FAT3: variants seen among roughly 807,000 people sequenced by gnomAD.
FAT3 encodes FAT atypical cadherin 3, also known as protocadherin Fat 3.
In FAT3, 95 loss-of-function variants were observed where a neutral mutation model predicts 310.2. The observed-to-expected ratio is 0.31, with a 90% CI of 0.26 to 0.36. FAT3 has a LOEUF of 0.36. FAT3 is among the 10% of genes least tolerant of loss of function. The pLI is 1.00. For missense variants in FAT3, 5,408 were observed against 5,715.6 expected, an observed-to-expected ratio of 0.95 and a Z score of 1.74; for synonymous variants, 2,314 against 2,192.9, an observed-to-expected ratio of 1.06 and a Z score of -1.54.
At position 92,892,914 on chromosome 11, in the gene FAT3, G is replaced by A. The variant is rs1242400034; in HGVS notation, c.*1801G>A. On this transcript the variant is annotated 3_prime_UTR_variant, in exon 28 of 28. Transcript: ENST00000525166. ...AAAACTGAAAGTTGACAGGTTGAGG[G>A]ACTTTCCTTTTTTGCTTCAATCAGA... 1.3e-5 allele frequency: 2 copies of A among 152,078 alleles called. No individual in the cohort carries two copies. Among genetic ancestry groups the A allele is most frequent in the African/African-American group, 4.8e-5 (2 of 41,390 alleles). The allele number at this position is 152,078 out of a possible 1,614,324, so 9.4% of individuals were successfully genotyped here.
intron 3 of FAT3, among the ~76,000 whole-genome samples, chr11:92,587,423 C>T (rs376234645): frequency 2.0e-5 from 3 of 151,866 alleles, no homozygotes; most frequent in South Asian, 4.1e-4. Context: ...CCCCTTAGAA[C>T]AAATTTCTAG....
intron 1 of FAT3, among the ~76,000 whole-genome samples, chr11:92,226,850 G>C (rs984244168): frequency 7.2e-5 from 11 of 152,282 alleles, no homozygotes; most frequent in Admixed American, 4.6e-4. Context: ...GCGGGAGGGA[G>C]GGACGCTGGG....
intron 22 of FAT3, among the ~76,000 whole-genome samples, chr11:92,871,787 C>T (rs978444774): frequency 7.4e-6 from 1 of 134,512 alleles, no homozygotes; most frequent in African/African-American, 2.5e-5. Context: ...GGAATTCAAG[C>T]ATCTCTATTT....
At chr11:92,589,561 T>C (rs1457830446) in intron 3 of FAT3, among the ~76,000 whole-genome samples, 1 of 152,106 alleles carries the variant, frequency 6.6e-6, no homozygotes, top group Admixed American at 6.6e-5. Context: ...CCTAATTTAA[T>C]CATGCTGCTT....
chr11:92,228,815 A>T (rs552200660), intron 1 of FAT3, among the ~76,000 whole-genome samples: 3 of 152,354 alleles, frequency 2.0e-5, no homozygotes, highest in Admixed American at 1.3e-4. Flanking sequence ...CTCTAGGGCA[A>T]GAAGGAGAAA....
At chr11:92,861,920 G>T (rs915131765) in intron 21 of FAT3, among the ~76,000 whole-genome samples, 1 of 152,140 alleles carries the variant, frequency 6.6e-6, no homozygotes, top group Admixed American at 6.5e-5. Flanking sequence ...GGGGTGAAGG[G>T]CGCCCCTTAC....
At chr11:92,726,212 A>G (rs1944993700) in intron 4 of FAT3, among the ~76,000 whole-genome samples, 2 of 152,198 alleles carry the variant, frequency 1.3e-5, no homozygotes, top group African/African-American at 4.8e-5. Flanking sequence ...CAATTTCTAG[A>G]AAGTTCTACT....
intron 19 of FAT3, among the ~76,000 whole-genome samples, chr11:92,846,449 A>G (rs1207939352): frequency 6.6e-6 from 1 of 152,184 alleles, no homozygotes; most frequent in East Asian, 1.9e-4. Context: ...TCTATGGTCA[A>G]AGGAAAGCTG....
chr11:92,695,262 C>T (rs564699244), intron 3 of FAT3, among the ~76,000 whole-genome samples: 6 of 152,224 alleles, frequency 3.9e-5, no homozygotes, highest in East Asian at 1.9e-4. Context: ...ATCAGAGGAC[C>T]GTCACAGGCC....
At chr11:92,877,026 C>T (rs778459649) in intron 22 of FAT3, among the ~76,000 whole-genome samples, 17 of 152,104 alleles carry the variant, frequency 1.1e-4, no homozygotes, top group Non-Finnish European at 2.4e-4. Flanking sequence ...TGTTACAACC[C>T]CACTGCTATG....
At chr11:92,598,976 C>T (rs1164663080) in intron 3 of FAT3, among the ~76,000 whole-genome samples, 1 of 152,148 alleles carries the variant, frequency 6.6e-6, no homozygotes, top group African/African-American at 2.4e-5. Context: ...CAGCTTGTGC[C>T]CTTTGCTCCA....
At position 92,524,878 on chromosome 11, in the gene FAT3, C is replaced by T; in HGVS notation, c.3537C>T (p.Ser1179=). The T allele has an allele frequency of 6.2e-7, 1 of 1,613,800 alleles. No homozygotes were observed. Among genetic ancestry groups the T allele is most frequent in the Non-Finnish European group, 8.5e-7 (1 of 1,179,804 alleles). Reference sequence around the variant, plus strand: ...AGGCTGAAGATCCTGACTCCAGTTCCAATGAAAAACTGACATACAGGATTA... The same window carrying T: ...AGGCTGAAGATCCTGACTCCAGTTCTAATGAAAAACTGACATACAGGATTA... The part of the protein sequence containing the change: ...QIQAEDPDSS[S]NEKLTYRITS... The change falls in exon 3 of 28, where the codon TCC becomes TCT. Residue 1179 remains serine (S), a synonymous_variant. Transcript: ENST00000525166.
chr11:92,409,530 C>T (rs921368307), intron 2 of FAT3, among the ~76,000 whole-genome samples: 2 of 152,092 alleles, frequency 1.3e-5, no homozygotes, highest in African/African-American at 4.8e-5. Context: ...CATAATCTTT[C>T]ATTCATTCAT....
chr11:92,849,308 A>C (rs1239893137), intron 19 of FAT3, among the ~76,000 whole-genome samples: 1 of 152,180 alleles, frequency 6.6e-6, no homozygotes, highest in Admixed American at 6.5e-5. Context: ...CACAGCAGAC[A>C]TCCTATTTTC....
chr11:92,463,500 A>G (rs1003003198), intron 2 of FAT3, among the ~76,000 whole-genome samples: 1 of 152,196 alleles, frequency 6.6e-6, no homozygotes, highest in African/African-American at 2.4e-5. Context: ...TCTACCTCAT[A>G]CAGTTTCTGT....
rs771912862 is a variant in FAT3, at chr11:92,365,613, A to T, written c.3292+10209A>T. On this transcript the variant is annotated intron_variant, in intron 2 of 27. Coordinates refer to ENST00000525166, the MANE Select transcript of FAT3 (RefSeq NM_001367949.2). ...CATTCCTTTATTATACTGATCTGGA[A>T]AAAGGATTTAGTACAGTTATGCTCA... Among the ~76,000 whole-genome samples, 137 of 152,332 alleles carry T rather than the reference A, an allele frequency of 9.0e-4. No homozygotes were observed. In the Middle Eastern group the frequency reaches 0.01, roughly 11 times the overall value.
intron 19 of FAT3, among the ~76,000 whole-genome samples, chr11:92,848,971 C>T (rs560431395): frequency 3.3e-5 from 5 of 152,304 alleles, no homozygotes; most frequent in South Asian, 2.1e-4. Context: ...ATTCAGTGCA[C>T]GGATCGAGGT....
At chr11:92,809,788 A>G (rs1416949580) in intron 12 of FAT3, 55 bp from the exon 13 acceptor site, 71 of 1,426,190 alleles carry the variant, frequency 5.0e-5, no homozygotes, top group East Asian at 2.5e-4. Context: ...CTGCTCTCCA[A>G]AGAAAGACAG....
intron 4 of FAT3, among the ~76,000 whole-genome samples, chr11:92,754,627 C>CAAAAAA (rs71064722): frequency 3.1e-5 from 1 of 32,716 alleles, no homozygotes; most frequent in Non-Finnish European, 4.6e-5. Flanking sequence ...GACTCTGCCT[C>CAAAAAA]AAAAAAAAAA....
Sources: gnomAD v4.1 joint callset for allele counts (sites outside exome capture counted in the v4.1 genomes callset) on GRCh38, gnomAD v4.1.1 for gene constraint, MANE v1.5 for transcripts, NCBI Gene and HGNC (gene_info 2026-07-23, HGNC 2026-07-21) for gene names.